Variants in SP3 observed in about 807,000 individuals in gnomAD.
SP3 encodes Sp3 transcription factor, also known as transcription factor Sp3.
Under a neutral mutation model 70.3 loss-of-function variants are expected in SP3, and 10 were observed. The observed-to-expected ratio is 0.14, with a 90% CI of 0.09 to 0.24. SP3 has a LOEUF of 0.24. Ranked by LOEUF, SP3 falls within the 10% of genes least tolerant of loss-of-function variation. SP3 has a pLI of 1.00. For missense variants in SP3, 825 were observed against 914.6 expected, an observed-to-expected ratio of 0.90 and a Z score of 1.26; for synonymous variants, 402 against 333.5, an observed-to-expected ratio of 1.21 and a Z score of -2.24.
At chr2:173,913,420 T>C (rs1366423744) in intron 5 of SP3, 154 bp from the exon 6 acceptor site, 1 of 484,134 alleles carries the variant, frequency 2.1e-6, no homozygotes, top group Non-Finnish European at 3.4e-6. Context: ...TCAGTTTAAA[T>C]GAAAATTTAT....
chr2:173,927,438 G>A (rs528201619), intron 4 of SP3, among the ~76,000 whole-genome samples: 17 of 151,890 alleles, frequency 1.1e-4, no homozygotes, highest in African/African-American at 3.1e-4. Flanking sequence ...CACCACGCCC[G>A]GCTAATTTTT....
intron 4 of SP3, among the ~76,000 whole-genome samples, chr2:173,949,444 C>A (rs1174344445): frequency 6.6e-6 from 1 of 151,798 alleles, no homozygotes; most frequent in Non-Finnish European, 1.5e-5. Flanking sequence ...AAAGAGCACA[C>A]TGCCAAGACA....
chr2:173,920,650 G>A (rs1296845807), intron 4 of SP3, among the ~76,000 whole-genome samples: 1 of 151,764 alleles, frequency 6.6e-6, no homozygotes, highest in African/African-American at 2.4e-5. Context: ...CTCTGTGGTG[G>A]CGTGACCTCG....
intron 2 of SP3, chr2:173,964,185 T>G: frequency 2.2e-6 from 1 of 448,926 alleles, no homozygotes; most frequent in Non-Finnish European, 3.9e-6. Flanking sequence ...GGGCCCACAC[T>G]CACACGCGCA....
chr2:173,954,027 A>G (rs777809576), intron 4 of SP3, among the ~76,000 whole-genome samples: 28 of 152,234 alleles, frequency 1.8e-4, no homozygotes, highest in Admixed American at 3.3e-4. Flanking sequence ...TCCCAATTTA[A>G]GAGTTTAGAA....
rs1309739168 is a variant in SP3 at position 173,901,556 on chromosome 2, A to G, written c.*8385T>C. The stretch of plus-strand genomic sequence containing the variant: ...TTATGAACTTGTAAAAATATGCTCA[A>G]CCTCACCAGAATATAGAAAAATTAG... On this transcript the variant is annotated 3_prime_UTR_variant, in exon 7 of 7. Transcript: ENST00000310015. Among the ~76,000 whole-genome samples the G allele has an allele frequency of 6.6e-6, 1 of 152,044 alleles. No homozygotes were observed. The highest frequency in any genetic ancestry group is 1.9e-4 in the East Asian group (1 of 5,188).
chr2:173,927,647 A>T (rs1324365885), intron 4 of SP3, among the ~76,000 whole-genome samples: 3 of 152,208 alleles, frequency 2.0e-5, no homozygotes, highest in Non-Finnish European at 4.4e-5. Flanking sequence ...TCATTTTCTC[A>T]AATTTAAGTA....
chr2:173,963,248 A>C (rs1210817680), intron 3 of SP3: 1 of 152,232 alleles, frequency 6.6e-6, no homozygotes, highest in South Asian at 2.1e-4. Flanking sequence ...CAACTAAAAA[A>C]GCAGTCTTCA....
chr2:173,912,155 A>ATGTTAATGAAAC (rs1689504014), intron 6 of SP3, among the ~76,000 whole-genome samples: 1 of 152,228 alleles, frequency 6.6e-6, no homozygotes, highest in African/African-American at 2.4e-5. Flanking sequence ...TTGCAGTTTC[A>ATGTTAATGAAAC]TGTAGGTTAA....
chr2:173,921,198 T>C (rs1407561969), intron 4 of SP3, among the ~76,000 whole-genome samples: 1 of 152,238 alleles, frequency 6.6e-6, no homozygotes, highest in Non-Finnish European at 1.5e-5. Context: ...GACAATTTTT[T>C]TGCTTTACCT....
chr2:173,938,639 A>AG (rs1690275293), intron 4 of SP3, among the ~76,000 whole-genome samples: 1 of 152,074 alleles, frequency 6.6e-6, no homozygotes, highest in South Asian at 2.1e-4. Flanking sequence ...AAAACAAGAA[A>AG]TACATGTTAG....
chr2:173,947,687 T>C (rs957588090), intron 4 of SP3, among the ~76,000 whole-genome samples: 1 of 152,244 alleles, frequency 6.6e-6, no homozygotes, highest in African/African-American at 2.4e-5. Flanking sequence ...TAATCTGACA[T>C]GAATTCATCT....
At chr2:173,944,658 T>G (rs1158580024) in intron 4 of SP3, among the ~76,000 whole-genome samples, 3 of 152,248 alleles carry the variant, frequency 2.0e-5, no homozygotes, top group Non-Finnish European at 4.4e-5. Context: ...ATCAACACTC[T>G]AATGAAGAGC....
intron 4 of SP3, among the ~76,000 whole-genome samples, chr2:173,930,453 T>C (rs1192406614): frequency 6.6e-6 from 1 of 152,200 alleles, no homozygotes; most frequent in African/African-American, 2.4e-5. Flanking sequence ...CTTCTAATCC[T>C]ACAAATTCCC....
chr2:173,965,693 A>T (rs959739423), upstream of SP3: 1 of 156,942 alleles, frequency 6.4e-6, no homozygotes, highest in Non-Finnish European at 1.4e-5. Context: ...CTGGGGAGGA[A>T]ATTCGTCCCC....
At position 173,955,672 on chromosome 2, in the gene SP3, C is replaced by T. The variant is rs756765149; in HGVS notation, c.840G>A (p.Ser280=). The T allele has an allele frequency of 2.5e-6, 4 of 1,613,552 alleles. No individual in the cohort carries two copies. Among genetic ancestry groups the T allele is most frequent in the Non-Finnish European group, 3.4e-6 (4 of 1,179,648 alleles). ...CTGCAGTCATTGTCTGAGAACTGCCCGAGAGTCCCAAAGAATCTAGATCGA... is the reference window on the plus strand; with the variant it reads ...CTGCAGTCATTGTCTGAGAACTGCCTGAGAGTCCCAAAGAATCTAGATCGA... ...NSVDLDSLGL[S]GSSQTMTAGI... Residue 280 remains serine, a synonymous_variant, in exon 4 of 7, where the codon TCG becomes TCA. Coordinates refer to ENST00000310015, the MANE Select transcript of SP3 (RefSeq NM_003111.5).
In SP3 at chr2:173,955,926, C is replaced by A; in HGVS notation, c.586G>T (p.Gly196Cys). The A allele has an allele frequency of 1.2e-6, 2 of 1,614,090 alleles. No homozygotes were observed. Among genetic ancestry groups the A allele is most frequent in the Non-Finnish European group, 1.7e-6 (2 of 1,180,006 alleles). The change falls in exon 4 of 7, where the codon GGT becomes TGT. Residue 196 changes from glycine (G) to cysteine (C), a missense_variant. By Grantham distance (159) the Gly-to-Cys change is radical (BLOSUM62 -3). Around this residue, in one of 4 missense-constraint regions of SP3, gnomAD observed 678 missense variants for 651.6 expected, o/e 1.04. Transcript: ENST00000310015. ...IGFTGSSDNG[G>C]INQESSQIQI... Reference sequence around the variant, plus strand: ...ATTTGACTGCTTTCTTGATTTATACCCCCATTATCTGAAGAGCCTGTGAAA... The same window carrying A: ...ATTTGACTGCTTTCTTGATTTATACACCCATTATCTGAAGAGCCTGTGAAA...
rs1341277984 is a variant in SP3 at position 173,903,630 on chromosome 2, A to C, written c.*6311T>G. ...AAGACCCAAACCTATTCTGAGTCCT[A>C]ACACACAATGAAAATATACGTGACT... On this transcript the variant is annotated 3_prime_UTR_variant, in exon 7 of 7. Coordinates refer to ENST00000310015, the MANE Select transcript of SP3 (RefSeq NM_003111.5). Among the ~76,000 whole-genome samples, 1 of 152,242 alleles carries C rather than the reference A, an allele frequency of 6.6e-6. No homozygotes were observed. The highest frequency in any genetic ancestry group is 1.5e-5 in the Non-Finnish European group (1 of 68,044).
intron 4 of SP3, among the ~76,000 whole-genome samples, chr2:173,920,057 T>C (rs1191971398): frequency 1.3e-5 from 2 of 151,964 alleles, no homozygotes; most frequent in Non-Finnish European, 2.9e-5. Context: ...CAGAAATGAA[T>C]CTCTCAAAGC....
Sources: gnomAD v4.1 joint callset for allele counts (sites outside exome capture counted in the v4.1 genomes callset) on GRCh38, gnomAD v4.1.1 for gene constraint, gnomAD v4.1.1 regional missense constraint, MANE v1.5 for transcripts, NCBI Gene and HGNC (gene_info 2026-07-23, HGNC 2026-07-21) for gene names.